Variants in MCF2L2 observed in about 807,000 individuals in gnomAD.
MCF2L2 encodes MCF.2 cell line derived transforming sequence-like 2.
Under a neutral mutation model 150.2 loss-of-function variants are expected in MCF2L2, and 102 were observed. The ratio of observed to expected loss-of-function variants is 0.68; its 90% confidence interval spans 0.58 to 0.80. The LOEUF (loss-of-function observed/expected upper bound fraction) is 0.80. MCF2L2 is among the 30% of genes least tolerant of loss of function. MCF2L2 has a pLI of 0.00. For synonymous variants in MCF2L2, 465 were observed against 491.3 expected, an observed-to-expected ratio of 0.95 and a Z score of 0.71; for missense variants, 1,256 against 1,372.8, an observed-to-expected ratio of 0.91 and a Z score of 1.34.
chr3:183,294,631 A>AT (rs1319367414), intron 13 of MCF2L2, among the ~76,000 whole-genome samples: 3,113 of 114,004 alleles, frequency 0.027, 84 homozygotes, highest in East Asian at 0.079. Flanking sequence ...ATATATATAT[A>AT]TATTTTTTTT....
intron 1 of MCF2L2, among the ~76,000 whole-genome samples, chr3:183,412,893 A>G (rs953510361): frequency 6.6e-6 from 1 of 151,958 alleles, no homozygotes; most frequent in Non-Finnish European, 1.5e-5. Context: ...GGTTGAGGAA[A>G]CTTCCTTCTA....
At chr3:183,409,834 G>A (rs1014976491) in intron 1 of MCF2L2, among the ~76,000 whole-genome samples, 5 of 152,124 alleles carry the variant, frequency 3.3e-5, no homozygotes, top group Non-Finnish European at 7.4e-5. Flanking sequence ...AGGATTACAA[G>A]CGTGAGCCAC....
At chr3:183,399,039 T>C (rs541576622) in intron 1 of MCF2L2, among the ~76,000 whole-genome samples, 4 of 152,310 alleles carry the variant, frequency 2.6e-5, no homozygotes, top group Non-Finnish European at 5.9e-5. Context: ...TTAATAAAAT[T>C]AGGGCAATCA....
chr3:183,357,678 C>T (rs1711869994), intron 3 of MCF2L2, among the ~76,000 whole-genome samples: 1 of 152,132 alleles, frequency 6.6e-6, no homozygotes, highest in Non-Finnish European at 1.5e-5. Flanking sequence ...CACCCTGACT[C>T]CCCTATGCAA....
intron 5 of MCF2L2, among the ~76,000 whole-genome samples, chr3:183,332,948 AAATAAG>A (rs1318350862): frequency 1.3e-5 from 2 of 152,236 alleles, no homozygotes. Flanking sequence ...AAAACAAGGA[AAATAAG>A]AGTAGGAAAG....
rs1366220458 is a variant in MCF2L2 at position 183,224,196 on chromosome 3, T to C, written c.2116-6A>G. Reference sequence around the variant, plus strand: ...TATATCTGAAGATCTTCTTTCTAGGTGGGAAAAAATTAGAATAAATTAATC... The same window carrying C: ...TATATCTGAAGATCTTCTTTCTAGGCGGGAAAAAATTAGAATAAATTAATC... On this transcript the variant is annotated splice_region_variant and splice_polypyrimidine_tract_variant and intron_variant, in intron 18 of 29. Transcript: ENST00000328913. 1.9e-6 allele frequency: 3 copies of C among 1,587,612 alleles called. No homozygotes were observed. The highest frequency in any genetic ancestry group is 2.6e-6 in the Non-Finnish European group (3 of 1,156,386).
rs747354074 is a variant in MCF2L2 at position 183,297,159 on chromosome 3, T to C, written c.1314A>G (p.Gln438=). ...AGAGGTAGATTCCTGCCTCACACCA[T>C]TGGCTGACCTTTTGGAAAGAAACAG... is the stretch of plus-strand genomic sequence containing the variant. ...EFHRQLDKVS[Q]WCEAGIYLLA... Residue 438 remains glutamine, a synonymous_variant, in exon 12 of 30, where the codon CAA becomes CAG. Transcript: ENST00000328913. 70 of 1,613,818 alleles carry C rather than the reference T, an allele frequency of 4.3e-5. No homozygotes were observed. The South Asian group carries it at 4.9e-4, about 11-fold the overall frequency.
chr3:183,263,182 G>T (rs1420986473), intron 15 of MCF2L2, among the ~76,000 whole-genome samples: 1 of 152,122 alleles, frequency 6.6e-6, no homozygotes, highest in Non-Finnish European at 1.5e-5. Context: ...GGCTGATAAG[G>T]TGTCTTGAGT....
At chr3:183,326,457 A>G (rs1218859770) in intron 5 of MCF2L2, among the ~76,000 whole-genome samples, 2 of 135,750 alleles carry the variant, frequency 1.5e-5, no homozygotes, top group African/African-American at 5.7e-5. Flanking sequence ...ACACCACTGT[A>G]CTCCAGCCTA....
chr3:183,266,594 CTG>C (rs1173982320), intron 15 of MCF2L2, among the ~76,000 whole-genome samples: 1 of 152,166 alleles, frequency 6.6e-6, no homozygotes, highest in Non-Finnish European at 1.5e-5. Flanking sequence ...TGTGGAAAGA[CTG>C]AGAGAGCAAC....
chr3:183,334,525 C>T (rs1457696942), intron 5 of MCF2L2, among the ~76,000 whole-genome samples: 1 of 151,196 alleles, frequency 6.6e-6, no homozygotes, highest in Non-Finnish European at 1.5e-5. Context: ...TGGTGACTCA[C>T]GCCTGTAATA....
At chr3:183,264,458 T>C (rs760391000) in intron 15 of MCF2L2, among the ~76,000 whole-genome samples, 1 of 152,202 alleles carries the variant, frequency 6.6e-6, no homozygotes, top group Non-Finnish European at 1.5e-5. Context: ...GAACTACGAG[T>C]CTTGTCACAA....
chr3:183,371,242 C>T (rs2108577245), intron 3 of MCF2L2, among the ~76,000 whole-genome samples: 1 of 152,314 alleles, frequency 6.6e-6, no homozygotes, highest in South Asian at 2.1e-4. Flanking sequence ...GGTAAGGTCG[C>T]ACCTGTGACA....
At chr3:183,228,956 A>C (rs1246379980) in intron 17 of MCF2L2, among the ~76,000 whole-genome samples, 2 of 152,190 alleles carry the variant, frequency 1.3e-5, no homozygotes, top group Non-Finnish European at 2.9e-5. Flanking sequence ...AGGCTACATA[A>C]CTTCTCTGGG....
At chr3:183,416,169 T>C (rs981598871) in intron 1 of MCF2L2, among the ~76,000 whole-genome samples, 4 of 152,188 alleles carry the variant, frequency 2.6e-5, no homozygotes, top group African/African-American at 9.6e-5. Context: ...ACTTTGCTGC[T>C]ATTATTGTTA....
At chr3:183,384,096 C>A (rs1026119699) in intron 2 of MCF2L2, among the ~76,000 whole-genome samples, 7 of 152,186 alleles carry the variant, frequency 4.6e-5, no homozygotes, top group African/African-American at 1.7e-4. Context: ...AACATACATG[C>A]AGAACTGGTA....
intron 1 of MCF2L2, among the ~76,000 whole-genome samples, chr3:183,419,780 C>T (rs760213626): frequency 6.6e-5 from 10 of 152,144 alleles, no homozygotes; most frequent in African/African-American, 1.2e-4. Flanking sequence ...GGCTGAAACA[C>T]GAGAATCACT....
At chr3:183,250,045 T>C (rs1196279407) in intron 15 of MCF2L2, among the ~76,000 whole-genome samples, 1 of 152,152 alleles carries the variant, frequency 6.6e-6, no homozygotes, top group Non-Finnish European at 1.5e-5. Flanking sequence ...CCACAGCTAG[T>C]TGAGGCAAAA....
intron 2 of MCF2L2, among the ~76,000 whole-genome samples, chr3:183,388,464 T>C (rs1163776012): frequency 6.6e-6 from 1 of 152,208 alleles, no homozygotes; most frequent in African/African-American, 2.4e-5. Context: ...GCTGGTTAGG[T>C]CCTCCCACAG....
Sources: gnomAD v4.1 joint callset for allele counts (sites outside exome capture counted in the v4.1 genomes callset) on GRCh38, gnomAD v4.1.1 for gene constraint, MANE v1.5 for transcripts, NCBI Gene and HGNC (gene_info 2026-07-23, HGNC 2026-07-21) for gene names.